The following LRRK1 variants were observed in gnomAD, a reference collection of about 807,000 sequenced individuals.
LRRK1 encodes leucine rich repeat kinase 1.
LRRK1 carries 113 observed loss-of-function variants against 209.1 expected under a neutral mutation model. The ratio of observed to expected loss-of-function variants is 0.54; its 90% CI spans 0.46 to 0.63. The LOEUF is 0.63. Among genes scored for constraint, LRRK1 ranks in the 30% least tolerant of loss-of-function variants. The pLI, the probability that LRRK1 is intolerant of heterozygous loss-of-function variation, is 0.00. For synonymous variants in LRRK1, 1,144 were observed against 1,099.7 expected (o/e 1.04, Z -0.80); for missense variants, 2,284 against 2,632.2 (o/e 0.87, Z 2.89).
At chr15:101,017,764 G>A (rs2033611047) in intron 12 of LRRK1, among the ~76,000 whole-genome samples, 1 of 152,036 alleles carries the variant, frequency 6.6e-6, no homozygotes, top group Non-Finnish European at 1.5e-5. Flanking sequence ...AAAAAGGTTG[G>A]GGACTGTTAT....
chr15:101,015,734 A>G (rs1000507979), intron 12 of LRRK1, among the ~76,000 whole-genome samples: 7 of 152,194 alleles, frequency 4.6e-5, no homozygotes, highest in African/African-American at 9.6e-5. Context: ...AACGTGAGGT[A>G]TGGGCCACAT....
chr15:100,983,645 G>A lies in LRRK1; in HGVS notation c.379G>A (p.Ala127Thr). ...EPTDDNPAVV[A>T]AYFGHTAVVQ... ...CACGGATGACAACCCAGCCGTGGTG[G>A]CAGCGTATTTTGGACACACGGCAGT... is the stretch of plus-strand genomic sequence containing the variant. The change falls in exon 4 of 34, where the codon GCA (alanine) becomes ACA (threonine). Residue 127 changes from alanine (A) to threonine (T), a missense_variant. Transcript: ENST00000388948. The A allele has an allele frequency of 6.2e-7, 1 of 1,608,254 alleles. No individual in the cohort carries two copies. The highest frequency in any genetic ancestry group is 8.5e-7 in the Non-Finnish European group (1 of 1,176,098).
At position 101,068,693 on chromosome 15, in the gene LRRK1, G is replaced by C; in HGVS notation, c.5893G>C (p.Val1965Leu). 6.2e-7 allele frequency: 1 copy of C among 1,604,630 alleles called. No homozygotes were observed. The highest frequency in any genetic ancestry group is 1.3e-5 in the African/African-American group (1 of 74,776). The change falls in exon 34 of 34, where the codon GTG becomes CTG. Residue 1965 changes from valine (V) to leucine (L), a missense_variant. Val to Leu is a conservative substitution (Grantham distance 32). Around this residue, in one of 6 missense-constraint regions of LRRK1, gnomAD observed 643 missense variants for 695.9 expected, o/e 0.92. Transcript: ENST00000388948. ...PHGVLVDAAV[V>L]AKDTVVCTFE... ...CAGGGTGCTGGTGGATGCTGCCGTG[G>C]TGGCAAAGGACACTGTTGTGTGCAC...
Position 100,986,765 on chromosome 15 carries a change from C to T in LRRK1, c.434-1869C>T, listed in dbSNP as rs566606172. Among the ~76,000 whole-genome samples the T allele has an allele frequency of 6.6e-5, 10 of 152,296 alleles. No homozygotes were observed. The South Asian group carries it at 2.1e-3, about 32-fold the overall frequency. On this transcript the variant is annotated intron_variant, in intron 4 of 33. Transcript: ENST00000388948. ...TCAGTTCCTGGTCAACATAAGTAAA[C>T]AAGCCTGTTTAAGATACATTCCCCT...
rs190330080 is a variant in LRRK1 at position 100,969,654 on chromosome 15, C to G, written c.98-4150C>G. 3.6e-4 allele frequency among the ~76,000 whole-genome samples: 55 copies of G among 152,278 alleles called. No individual in the cohort carries two copies. In the East Asian group the frequency reaches 8.7e-3, roughly 24 times the overall value. ...CTTCCTTATGCTCTTTCCCCACCCT[C>G]CCTCACCACAGGTGCCCAGTGTGTG... On this transcript the variant is annotated intron_variant, in intron 2 of 33. Coordinates refer to ENST00000388948, the MANE Select transcript of LRRK1 (RefSeq NM_024652.6).
chr15:101,045,097 G>GT (rs1567260668), intron 20 of LRRK1, among the ~76,000 whole-genome samples: 3 of 152,154 alleles, frequency 2.0e-5, no homozygotes, highest in African/African-American at 7.2e-5. Flanking sequence ...GTCAGAGCGT[G>GT]TAAGTGAGAG....
At position 101,029,039 on chromosome 15, in the gene LRRK1, C is replaced by T; in HGVS notation, c.2770C>T (p.Pro924Ser). 1.2e-6 allele frequency: 2 copies of T among 1,614,188 alleles called. No homozygotes were observed. Among genetic ancestry groups the T allele is most frequent in the South Asian group, 1.1e-5 (1 of 91,086 alleles). ...CCTGAGGAACCTCTACTTCCTCGAC[C>T]CTATTTGGCTCTCCGAATGTCTGCA... ...HGLRNLYFLD[P>S]IWLSECLQRI... Residue 924 changes from proline to serine, a missense_variant, in exon 20 of 34, where the codon CCT becomes TCT. Coordinates refer to ENST00000388948, the MANE Select transcript of LRRK1 (RefSeq NM_024652.6).
intron 4 of LRRK1, chr15:100,988,425 C>G (rs1274888446): frequency 1.7e-6 from 1 of 601,262 alleles, no homozygotes; most frequent in Non-Finnish European, 3.0e-6. Flanking sequence ...TGCGTTAGTT[C>G]ACTTAGGATA....
chr15:101,062,355 C>A (rs535616447), intron 30 of LRRK1: 2 of 466,518 alleles, frequency 4.3e-6, no homozygotes, highest in South Asian at 6.4e-5. Flanking sequence ...GAATAGATGA[C>A]GGGCTATTTT....
chr15:100,961,425 C>T (rs944603666), intron 2 of LRRK1, among the ~76,000 whole-genome samples: 5 of 152,198 alleles, frequency 3.3e-5, no homozygotes, highest in South Asian at 2.1e-4. Flanking sequence ...GAGGCCAAGG[C>T]GGGCAGATCA....
chr15:101,067,526 C>A (rs1381974436), intron 33 of LRRK1: 1 of 266,788 alleles, frequency 3.7e-6, no homozygotes, highest in Non-Finnish European at 7.8e-6. Flanking sequence ...TATCCCCCAT[C>A]CCTGGGCAAG....
At chr15:101,054,103 C>A (rs1233182557) in intron 26 of LRRK1, among the ~76,000 whole-genome samples, 1 of 152,100 alleles carries the variant, frequency 6.6e-6, no homozygotes, top group African/African-American at 2.4e-5. Flanking sequence ...CGCAACTTCC[C>A]GAGTAGCTAC....
chr15:101,044,477 C>T (rs1220565426), intron 20 of LRRK1, among the ~76,000 whole-genome samples: 1 of 152,234 alleles, frequency 6.6e-6, no homozygotes, highest in Non-Finnish European at 1.5e-5. Flanking sequence ...CCTGGGACGG[C>T]CTTTCCCAGC....
intron 16 of LRRK1, 127 bp downstream of exon 16, chr15:101,025,094 C>T (rs546664030): frequency 2.6e-5 from 23 of 892,346 alleles, no homozygotes; most frequent in East Asian, 1.6e-4. Context: ...GCCCCAGAAC[C>T]GTGGTCCTGC....
At chr15:100,944,113 T>C (rs1454000040) in intron 2 of LRRK1, among the ~76,000 whole-genome samples, 1 of 152,138 alleles carries the variant, frequency 6.6e-6, no homozygotes, top group Non-Finnish European at 1.5e-5. Flanking sequence ...GGCCCAGACA[T>C]TCTCAGAGTG....
rs576776756 is a variant in LRRK1, at chr15:101,030,988, C to T, written c.2963+1756C>T. On this transcript the variant is annotated intron_variant, in intron 20 of 33. Coordinates refer to ENST00000388948, the MANE Select transcript of LRRK1 (RefSeq NM_024652.6). ...TCCTGACAGCTTAGCTCTCACATAT[C>T]AGTGAGAACATACGATGTTGGGTTT... is the stretch of plus-strand genomic sequence containing the variant. Among the ~76,000 whole-genome samples the T allele has an allele frequency of 5.3e-5, 8 of 152,318 alleles. No homozygotes were observed. In the South Asian group the frequency reaches 1.0e-3, roughly 20 times the overall value.
At chr15:101,032,596 A>G (rs1398921029) in intron 20 of LRRK1, among the ~76,000 whole-genome samples, 1 of 152,036 alleles carries the variant, frequency 6.6e-6, no homozygotes, top group African/African-American at 2.4e-5. Context: ...AATCTTGACA[A>G]TCTTTCTTTA....
rs767626906 is a variant in LRRK1 at position 101,051,969 on chromosome 15, C to G, written c.3689+9C>G. On this transcript the variant is annotated intron_variant, in intron 24 of 33. Transcript: ENST00000388948. ...ACCGACTTCCCGGCCAGGTATGCCC[C>G]GAAGGCCCCTCCCAGAACACAGTGC... is the stretch of plus-strand genomic sequence containing the variant. The G allele has an allele frequency of 1.3e-5, 21 of 1,611,184 alleles. No homozygotes were observed. The African/African-American group carries it at 2.7e-4, about 20-fold the overall frequency.
Position 101,068,845 on chromosome 15 carries a change from G to A in LRRK1, c.6045G>A (p.Arg2015=), listed in dbSNP as rs2036674292. 2 of 1,595,230 alleles carry A rather than the reference G, an allele frequency of 1.3e-6. No homozygotes were observed. The highest frequency in any genetic ancestry group is 1.3e-5 in the African/African-American group (1 of 74,628). ...TGGAGGCTTGCACTCGCAAGAGAAG[G>A]TAATTCCTGTGGAATGACTGTCACA... ...GRLEACTRKR[R] Residue 2015 remains arginine (R), a synonymous_variant, in exon 34 of 34, where the codon AGG becomes AGA. Coordinates refer to ENST00000388948, the MANE Select transcript of LRRK1 (RefSeq NM_024652.6).
Sources: allele counts gnomAD v4.1 joint callset (sites outside exome capture counted in the v4.1 genomes callset), GRCh38; gene constraint gnomAD v4.1.1; regional missense constraint gnomAD v4.1.1; transcripts MANE v1.5; gene names NCBI Gene and HGNC (gene_info 2026-07-23, HGNC 2026-07-21).